Variants in SMYD3 observed in about 807,000 individuals in gnomAD.
SMYD3 encodes the protein SET and MYND domain containing 3.
A neutral mutation model predicts 57.7 loss-of-function variants in SMYD3; 36 were observed. The observed-to-expected ratio is 0.62, with a 90% CI of 0.48 to 0.82. SMYD3 has a LOEUF of 0.82. SMYD3 is among the 40% of genes least tolerant of loss of function. SMYD3 has a pLI of 0.00. For missense variants in SMYD3, 515 were observed against 538.8 expected, an observed-to-expected ratio of 0.96 and a Z score of 0.44; for synonymous variants, 211 against 195.0, an observed-to-expected ratio of 1.08 and a Z score of -0.68.
intron 8 of SMYD3, among the ~76,000 whole-genome samples, chr1:245,891,520 G>A (rs879908314): frequency 1.3e-5 from 2 of 152,248 alleles, no homozygotes; most frequent in African/African-American, 2.4e-5. Flanking sequence ...GTGACTCTGT[G>A]CAGTGCCACT....
intron 1 of SMYD3, among the ~76,000 whole-genome samples, chr1:246,443,472 A>G (rs947949661): frequency 3.9e-5 from 6 of 152,246 alleles, no homozygotes; most frequent in Non-Finnish European, 5.9e-5. Flanking sequence ...CGATTCAGCA[A>G]TTGAGATTAA....
At chr1:246,077,180 G>A (rs1346087954) in intron 5 of SMYD3, among the ~76,000 whole-genome samples, 1 of 152,206 alleles carries the variant, frequency 6.6e-6, no homozygotes, top group East Asian at 1.9e-4. Flanking sequence ...GGTGGCTCTT[G>A]AAGCCAAGCT....
chr1:246,408,203 C>A (rs1241060772), intron 1 of SMYD3, among the ~76,000 whole-genome samples: 1 of 152,140 alleles, frequency 6.6e-6, no homozygotes, highest in Non-Finnish European at 1.5e-5. Context: ...ACTCTGACCA[C>A]AACAGGTAAT....
chr1:246,479,309 C>T (rs544701813), intron 1 of SMYD3, among the ~76,000 whole-genome samples: 1 of 152,204 alleles, frequency 6.6e-6, no homozygotes, highest in Non-Finnish European at 1.5e-5. Context: ...AGCTGTGTGA[C>T]CTGGGTCAAG....
At chr1:246,307,454 C>T (rs919959693) in intron 5 of SMYD3, among the ~76,000 whole-genome samples, 3 of 126,052 alleles carry the variant, frequency 2.4e-5, no homozygotes, top group Non-Finnish European at 4.7e-5. Flanking sequence ...GAGTCTCGCT[C>T]TGTCGCCCAG....
At chr1:246,014,420 C>T (rs1405569029) in intron 5 of SMYD3, among the ~76,000 whole-genome samples, 1 of 152,166 alleles carries the variant, frequency 6.6e-6, no homozygotes, top group African/African-American at 2.4e-5. Flanking sequence ...TGCATTCATG[C>T]TTTCTGTAGG....
intron 5 of SMYD3, among the ~76,000 whole-genome samples, chr1:246,162,726 A>G (rs1156377003): frequency 6.6e-6 from 1 of 152,232 alleles, no homozygotes. Context: ...AGGGTTACTC[A>G]GAGGTACAGA....
chr1:246,440,863 AC>A (rs559598294), intron 1 of SMYD3, among the ~76,000 whole-genome samples: 1 of 152,204 alleles, frequency 6.6e-6, no homozygotes. Flanking sequence ...GTCCTGGCAT[AC>A]CCCGTCTTTT....
At chr1:246,352,447 T>C (rs1480933350) in intron 2 of SMYD3, among the ~76,000 whole-genome samples, 1 of 152,268 alleles carries the variant, frequency 6.6e-6, no homozygotes, top group Non-Finnish European at 1.5e-5. Flanking sequence ...TTTTGCGTAG[T>C]TTTGTGGGTA....
chr1:246,190,430 C>T (rs1236901814), intron 5 of SMYD3, among the ~76,000 whole-genome samples: 1 of 151,916 alleles, frequency 6.6e-6, no homozygotes, highest in Admixed American at 6.6e-5. Context: ...ACTAAGAATA[C>T]AAAAATTAGC....
intron 5 of SMYD3, among the ~76,000 whole-genome samples, chr1:246,309,639 A>G (rs190868114): frequency 1.8e-4 from 28 of 152,318 alleles, no homozygotes; most frequent in African/African-American, 6.7e-4. Flanking sequence ...TGGGATAGGT[A>G]TTTATCAATG....
intron 10 of SMYD3, among the ~76,000 whole-genome samples, chr1:245,817,611 G>A (rs2048927175): frequency 6.6e-6 from 1 of 152,052 alleles, no homozygotes; most frequent in East Asian, 1.9e-4. Flanking sequence ...GCTATGGGAG[G>A]ACATTCAAAC....
At chr1:246,111,051 G>C (rs2147981724) in intron 5 of SMYD3, among the ~76,000 whole-genome samples, 1 of 152,154 alleles carries the variant, frequency 6.6e-6, no homozygotes, top group African/African-American at 2.4e-5. Context: ...AGAAATGACA[G>C]GTGAGCCTTA....
chr1:246,125,061 G>T, intron 5 of SMYD3, among the ~76,000 whole-genome samples: 1 of 90,050 alleles, frequency 1.1e-5, no homozygotes, highest in Non-Finnish European at 2.0e-5. Flanking sequence ...GACAGAGCGA[G>T]ACTCCGTCTC....
intron 9 of SMYD3, among the ~76,000 whole-genome samples, chr1:245,863,455 T>C (rs781123657): frequency 6.6e-6 from 1 of 152,216 alleles, no homozygotes; most frequent in Non-Finnish European, 1.5e-5. Context: ...TAAGCTACTC[T>C]TTCCTAGAGA....
At chr1:246,361,800 G>A (rs1173053937) in intron 1 of SMYD3, among the ~76,000 whole-genome samples, 5 of 152,146 alleles carry the variant, frequency 3.3e-5, no homozygotes, top group Admixed American at 2.6e-4. Flanking sequence ...CAGGAGAAAC[G>A]TTGGGAAGGG....
intron 5 of SMYD3, among the ~76,000 whole-genome samples, chr1:246,184,175 A>G (rs943691185): frequency 6.6e-6 from 1 of 152,264 alleles, no homozygotes; most frequent in African/African-American, 2.4e-5. Context: ...TTAAAAGAAT[A>G]TAAAACACTA....
At chr1:245,847,402 A>G (rs919914196) in intron 10 of SMYD3, among the ~76,000 whole-genome samples, 2 of 152,204 alleles carry the variant, frequency 1.3e-5, no homozygotes, top group African/African-American at 4.8e-5. Flanking sequence ...TATGAACTTC[A>G]CTCAAAATAC....
At chr1:246,475,625 G>A (rs922898606) in intron 1 of SMYD3, among the ~76,000 whole-genome samples, 1 of 152,018 alleles carries the variant, frequency 6.6e-6, no homozygotes, top group Non-Finnish European at 1.5e-5. Flanking sequence ...CAGCCTGAGC[G>A]ACAGAGCAAG....
Sources: allele counts gnomAD v4.1 joint callset (sites outside exome capture counted in the v4.1 genomes callset), GRCh38; gene constraint gnomAD v4.1.1; transcripts MANE v1.5; gene names NCBI Gene and HGNC (gene_info 2026-07-23, HGNC 2026-07-21).